Variants in ZBTB40 observed in about 807,000 individuals in gnomAD.
ZBTB40 encodes zinc finger and BTB domain containing 40, also known as zinc finger and BTB domain-containing protein 40.
A neutral mutation model predicts 117.5 loss-of-function variants in ZBTB40; 60 were observed. That is an observed-to-expected ratio of 0.51 (90% CI 0.41 to 0.63). ZBTB40 has a LOEUF of 0.63. ZBTB40 is among the 30% of genes least tolerant of loss of function. The pLI is 0.00. For synonymous variants in ZBTB40, 525 were observed against 577.1 expected (o/e 0.91, Z 1.29); for missense variants, 1,287 against 1,498.5 (o/e 0.86, Z 2.33).
chr1:22,472,966 A>G (rs1175932347), intron 1 of ZBTB40, among the ~76,000 whole-genome samples: 1 of 152,220 alleles, frequency 6.6e-6, no homozygotes, highest in African/African-American at 2.4e-5. Flanking sequence ...TCCATGTCAT[A>G]TGGATTTATT....
intron 3 of ZBTB40, among the ~76,000 whole-genome samples, chr1:22,497,276 T>C (rs931297906): frequency 5.3e-5 from 8 of 152,222 alleles, no homozygotes; most frequent in African/African-American, 1.7e-4. Context: ...AGCATTTTTT[T>C]CTCCTTCAAC....
chr1:22,480,678 T>G (rs2007200), intron 1 of ZBTB40, among the ~76,000 whole-genome samples: 39,007 of 152,140 alleles, frequency 0.26, 6,358 homozygotes, highest in South Asian at 0.38. Context: ...TTTCTCTATG[T>G]GAGTCCCTGT....
Position 22,518,151 on chromosome 1 carries a change from C to T in ZBTB40, c.2833+687C>T, listed in dbSNP as rs547078709. Among the ~76,000 whole-genome samples, 4 of 152,370 alleles carry T rather than the reference C, an allele frequency of 2.6e-5. No individual in the cohort carries two copies. The South Asian group carries it at 8.3e-4, about 32-fold the overall frequency. On this transcript the variant is annotated intron_variant, in intron 13 of 17. Coordinates refer to ENST00000375647, the MANE Select transcript of ZBTB40 (RefSeq NM_014870.4). ...TTGGCTGGCCACATCACATTTTCTT[C>T]AGCCTCTCTTGTTGCAGCAGGAGTG... is the stretch of plus-strand genomic sequence containing the variant.
At chr1:22,494,540 G>C (rs1329429702) in intron 3 of ZBTB40, among the ~76,000 whole-genome samples, 1 of 152,222 alleles carries the variant, frequency 6.6e-6, no homozygotes, top group Non-Finnish European at 1.5e-5. Flanking sequence ...CCCATGGGTT[G>C]CTGTTTTGGA....
upstream of ZBTB40, among the ~76,000 whole-genome samples, chr1:22,449,896 A>T (rs984642202): frequency 1.3e-5 from 2 of 152,014 alleles, no homozygotes; most frequent in African/African-American, 4.8e-5. Flanking sequence ...CATACAGCAC[A>T]TTGGCAATGA....
chr1:22,511,400 T>C (rs2124458096), intron 10 of ZBTB40, 53 bp downstream of exon 10: 1 of 1,605,546 alleles, frequency 6.2e-7, no homozygotes, highest in Non-Finnish European at 8.5e-7. Context: ...CCAGGTTGTT[T>C]CTTGAAGAAA....
chr1:22,482,052 A>G (rs1005416639), intron 1 of ZBTB40, among the ~76,000 whole-genome samples: 2 of 152,018 alleles, frequency 1.3e-5, no homozygotes, highest in African/African-American at 4.8e-5. Context: ...TACTAGAGCT[A>G]CTTCTATTAG....
intron 1 of ZBTB40, chr1:22,452,938 G>A (rs1481875017): frequency 1.3e-5 from 2 of 152,268 alleles, no homozygotes; most frequent in East Asian, 1.9e-4. Flanking sequence ...TTATGACGAC[G>A]CTTTATAAGT....
intron 1 of ZBTB40, among the ~76,000 whole-genome samples, chr1:22,443,759 G>GT (rs1640759240): frequency 6.6e-6 from 1 of 152,166 alleles, no homozygotes; most frequent in South Asian, 2.1e-4. Context: ...ATATTTTGGG[G>GT]TAAAATACTT....
At chr1:22,445,157 A>G (rs747419600) in intron 1 of ZBTB40, among the ~76,000 whole-genome samples, 1 of 152,188 alleles carries the variant, frequency 6.6e-6, no homozygotes, top group Non-Finnish European at 1.5e-5. Context: ...TGCCCTGCTC[A>G]TGTCTGACAA....
intron 1 of ZBTB40, among the ~76,000 whole-genome samples, chr1:22,482,799 C>T (rs897220459): frequency 3.3e-5 from 5 of 152,160 alleles, no homozygotes; most frequent in South Asian, 2.1e-4. Context: ...AGGCCGGGTG[C>T]GGTGGCTCAC....
intron 1 of ZBTB40, among the ~76,000 whole-genome samples, chr1:22,478,393 G>A (rs149675352): frequency 1.1e-4 from 16 of 152,176 alleles, no homozygotes; most frequent in African/African-American, 3.6e-4. Context: ...GACTACAGGC[G>A]CCTGCTACCA....
intron 1 of ZBTB40, among the ~76,000 whole-genome samples, chr1:22,457,868 G>T (rs1313917453): frequency 9.9e-5 from 15 of 152,154 alleles, no homozygotes; most frequent in Admixed American, 9.2e-4. Flanking sequence ...GAGTCTTCCT[G>T]AGTTTTCCTT....
At chr1:22,491,296 G>A in intron 2 of ZBTB40, 104 bp from the exon 3 acceptor site, 2 of 1,152,234 alleles carry the variant, frequency 1.7e-6, no homozygotes, top group Non-Finnish European at 2.6e-6. Flanking sequence ...ACAGAGATCA[G>A]TTAAGTGCAG....
Position 22,527,310 on chromosome 1 carries a change from A to C in ZBTB40, c.*914A>C, listed in dbSNP as rs1013252563. On this transcript the variant is annotated 3_prime_UTR_variant, in exon 18 of 18. Transcript: ENST00000375647. Reference sequence around the variant, plus strand: ...GGCAGGCAGTCCTGTCTGCGTGTGGAGGAGCAGCCGTGACTGCCCGTGGCT... The same window carrying C: ...GGCAGGCAGTCCTGTCTGCGTGTGGCGGAGCAGCCGTGACTGCCCGTGGCT... 1.3e-5 allele frequency: 2 copies of C among 152,250 alleles called. No homozygotes were observed. Among genetic ancestry groups the C allele is most frequent in the African/African-American group, 4.8e-5 (2 of 41,422 alleles). 9.4% of individuals were successfully genotyped at this position (152,250 alleles called of 1,614,324 possible).
intron 1 of ZBTB40, among the ~76,000 whole-genome samples, chr1:22,475,175 C>A (rs916011374): frequency 2.0e-5 from 3 of 152,116 alleles, no homozygotes; most frequent in Admixed American, 6.5e-5. Context: ...TATTGGGAGG[C>A]AATATATATA....
intron 1 of ZBTB40, among the ~76,000 whole-genome samples, chr1:22,442,416 G>A (rs947354865): frequency 2.6e-5 from 4 of 152,132 alleles, no homozygotes; most frequent in African/African-American, 7.2e-5. Context: ...TTATATGGGG[G>A]AGAGAGACCC....
intron 1 of ZBTB40, among the ~76,000 whole-genome samples, chr1:22,446,562 G>T (rs986613701): frequency 1.3e-5 from 2 of 151,752 alleles, no homozygotes; most frequent in Non-Finnish European, 2.9e-5. Flanking sequence ...GCAAAGACAA[G>T]AATTACATCT....
chr1:22,508,668 C>G lies in ZBTB40; in HGVS notation c.1636C>G (p.Pro546Ala), dbSNP rs765711448. The change falls in exon 8 of 18, where the codon CCA becomes GCA. Residue 546 changes from proline to alanine, a missense_variant. Around this residue, in one of 2 missense-constraint regions of ZBTB40, gnomAD observed 870 missense variants for 934.4 expected, o/e 0.93. Coordinates refer to ENST00000375647, the MANE Select transcript of ZBTB40 (RefSeq NM_014870.4). ...LLVVQETKTC[P>A]LDLLMEEIRR... ...GGTGGTTCAGGAGACAAAGACCTGTCCATTGGACCTGCTCATGGAGGAAAT... is the reference window on the plus strand; with the variant it reads ...GGTGGTTCAGGAGACAAAGACCTGTGCATTGGACCTGCTCATGGAGGAAAT... 2 of 1,614,192 alleles carry G rather than the reference C, an allele frequency of 1.2e-6. No individual in the cohort carries two copies.
Sources: gnomAD v4.1 joint callset for allele counts (sites outside exome capture counted in the v4.1 genomes callset) on GRCh38, gnomAD v4.1.1 for gene constraint, gnomAD v4.1.1 regional missense constraint, MANE v1.5 for transcripts, NCBI Gene and HGNC (gene_info 2026-07-23, HGNC 2026-07-21) for gene names.